Variants in USP15 observed in about 807,000 individuals in gnomAD.
The protein encoded by USP15 is ubiquitin specific peptidase 15, also known as ubiquitin carboxyl-terminal hydrolase 15.
Under a neutral mutation model 127.1 loss-of-function variants are expected in USP15, and 18 were observed. The ratio of observed to expected loss-of-function variants is 0.14; its 90% CI spans 0.10 to 0.21. USP15 has a LOEUF of 0.21. USP15 is among the 10% of genes least tolerant of loss of function. The probability of loss-of-function intolerance (pLI) is 1.00; values close to 1 mark genes in which losing one functional copy is unlikely to be tolerated. For missense variants in USP15, 805 were observed against 1,159.9 expected, an observed-to-expected ratio of 0.69 and a Z score of 4.44; for synonymous variants, 364 against 393.7, an observed-to-expected ratio of 0.92 and a Z score of 0.89.
At chr12:62,302,658 G>A (rs2064351923) in intron 2 of USP15, 132 bp from the exon 3 acceptor site, 2 of 916,118 alleles carry the variant, frequency 2.2e-6, no homozygotes, top group Non-Finnish European at 3.1e-6. Context: ...CACCCCTGAT[G>A]TAAGGGAGCT....
chr12:62,348,486 G>A (rs2065881855), intron 6 of USP15, among the ~76,000 whole-genome samples: 1 of 152,062 alleles, frequency 6.6e-6, no homozygotes, highest in African/African-American at 2.4e-5. Flanking sequence ...ACAGCCCCTT[G>A]CCTAGATGTT....
chr12:62,325,751 A>T, intron 5 of USP15, 121 bp from the exon 6 acceptor site: 1 of 755,990 alleles, frequency 1.3e-6, no homozygotes, highest in Non-Finnish European at 2.0e-6. Context: ...CACCTTGTCT[A>T]CTGTTTTCCT....
intron 5 of USP15, among the ~76,000 whole-genome samples, chr12:62,323,485 T>C (rs896967891): frequency 1.3e-5 from 2 of 152,214 alleles, no homozygotes; most frequent in Non-Finnish European, 2.9e-5. Flanking sequence ...AGATTTATTT[T>C]AGTCATTATA....
Position 62,391,369 on chromosome 12 carries a change from A to G in USP15, c.2173A>G (p.Asn725Asp). The G allele has an allele frequency of 6.2e-7, 1 of 1,613,064 alleles. No homozygotes were observed. The highest frequency in any genetic ancestry group is 8.5e-7 in the Non-Finnish European group (1 of 1,179,476). Residue 725 changes from asparagine to aspartate, a missense_variant, in exon 16 of 22, where the codon AAC becomes GAC. By Grantham distance (23) the Asn-to-Asp change is conservative. Around this residue, in one of 11 missense-constraint regions of USP15, gnomAD observed 225 missense variants for 239.5 expected, o/e 0.94. Coordinates refer to ENST00000280377, the MANE Select transcript of USP15 (RefSeq NM_001252078.2). ...CAACAACTTAGGCAATACTGATATCAACTACATCAAAGATGATACCAGGCA... is the reference window on the plus strand; with the variant it reads ...CAACAACTTAGGCAATACTGATATCGACTACATCAAAGATGATACCAGGCA... Reference protein sequence around the residue: ...QFNNLGNTDINYIKDDTRHIR... With the variant: ...QFNNLGNTDIDYIKDDTRHIR...
intron 6 of USP15, among the ~76,000 whole-genome samples, chr12:62,339,903 A>G (rs780645607): frequency 3.9e-5 from 6 of 152,204 alleles, no homozygotes; most frequent in South Asian, 2.1e-4. Context: ...GCCCCATAAA[A>G]TGAGTTAGAG....
intron 8 of USP15, among the ~76,000 whole-genome samples, chr12:62,364,017 A>C (rs917342554): frequency 1.3e-5 from 2 of 152,144 alleles, no homozygotes; most frequent in African/African-American, 4.8e-5. Context: ...TAGATCATAG[A>C]CAGTTGGATA....
At position 62,414,095 on chromosome 12, in the gene USP15, A is replaced by C. The variant is rs2068099422; in HGVS notation, c.*9720A>C. ...CACACACGTCTGTGCCCTCAAACAA[A>C]ACAGTAACATCAAAGATTACTGATC... On this transcript the variant is annotated 3_prime_UTR_variant, in exon 22 of 22. Coordinates refer to ENST00000280377, the MANE Select transcript of USP15 (RefSeq NM_001252078.2). 8 of 152,200 alleles carry C rather than the reference A, an allele frequency of 5.3e-5. No homozygotes were observed. The highest frequency in any genetic ancestry group is 5.2e-4 in the Admixed American group (8 of 15,276). 9.4% of individuals were successfully genotyped at this position (152,200 alleles called of 1,614,324 possible). A position where few individuals can be genotyped will look rare whatever the true frequency, so the allele number is the denominator to read the frequency against.
At chr12:62,336,795 G>C (rs1485125221) in intron 6 of USP15, 1 of 153,450 alleles carries the variant, frequency 6.5e-6, no homozygotes, top group African/African-American at 2.4e-5. Flanking sequence ...ACAATGTTTG[G>C]GTTGAAGTAC....
intron 1 of USP15, among the ~76,000 whole-genome samples, chr12:62,289,258 C>A (rs1280205507): frequency 6.9e-6 from 1 of 144,774 alleles, no homozygotes; most frequent in Non-Finnish European, 1.6e-5. Flanking sequence ...AGATTTTCAT[C>A]TTACTGATTT....
intron 19 of USP15, among the ~76,000 whole-genome samples, chr12:62,395,700 G>T (rs1355051421): frequency 2.7e-5 from 4 of 150,870 alleles, no homozygotes; most frequent in Non-Finnish European, 5.9e-5. Context: ...GTCTGTCTAT[G>T]AGCTCAATTT....
chr12:62,361,187 G>A (rs1381563968), intron 8 of USP15, among the ~76,000 whole-genome samples: 1 of 151,938 alleles, frequency 6.6e-6, no homozygotes, highest in Non-Finnish European at 1.5e-5. Context: ...GGGGAAAAAT[G>A]GTATCTCTAA....
chr12:62,276,011 TATCATTTTCTTTAGTAACTA>T lies in USP15; in HGVS notation c.89+15509_89+15528del, dbSNP rs2063481187. 2.0e-5 allele frequency among the ~76,000 whole-genome samples: 3 copies of T among 152,274 alleles called. No homozygotes were observed. In the South Asian group the frequency reaches 6.2e-4, roughly 32 times the overall value. ...GAAAACCATAGGTCTTCAGTCTCTA[TATCATTTTCTTTAGTAACTA>T]TGAACCCAGATAATATTAACATTAT... On this transcript the variant is annotated intron_variant, in intron 1 of 21. Transcript: ENST00000280377.
rs1466535194 is a variant in USP15, at chr12:62,390,881, C to T, written c.1862C>T (p.Ser621Phe). 1 of 1,610,528 alleles carries T rather than the reference C, an allele frequency of 6.2e-7. No individual in the cohort carries two copies. Among genetic ancestry groups the T allele is most frequent in the Admixed American group, 1.7e-5 (1 of 59,738 alleles). Residue 621 changes from serine to phenylalanine, a missense_variant, in exon 15 of 22, where the codon TCT (serine) becomes TTT (phenylalanine). Ser to Phe is a radical substitution (Grantham distance 155, BLOSUM62 -2). Around this residue, in one of 11 missense-constraint regions of USP15, gnomAD observed 225 missense variants for 239.5 expected, o/e 0.94. Coordinates refer to ENST00000280377, the MANE Select transcript of USP15 (RefSeq NM_001252078.2). ...TACTTAAGCCGATATGTCAAAATATCTACTGAAACTGAAGAAACTGAAGGA... is the reference window on the plus strand; with the variant it reads ...TACTTAAGCCGATATGTCAAAATATTTACTGAAACTGAAGAAACTGAAGGA... Reference protein sequence around the residue: ...LLRMCRYVKISTETEETEGSL... With the variant: ...LLRMCRYVKIFTETEETEGSL...
chr12:62,268,004 C>G (rs1270966221), intron 1 of USP15, among the ~76,000 whole-genome samples: 1 of 151,982 alleles, frequency 6.6e-6, no homozygotes, highest in African/African-American at 2.4e-5. Context: ...AGCTGAAGAA[C>G]TTTTTAATTC....
chr12:62,350,383 A>T (rs748641379), intron 7 of USP15, among the ~76,000 whole-genome samples: 1 of 152,190 alleles, frequency 6.6e-6, no homozygotes, highest in Non-Finnish European at 1.5e-5. Context: ...GTAGACTAAT[A>T]CGAATGGGCA....
intron 4 of USP15, among the ~76,000 whole-genome samples, chr12:62,315,717 A>G (rs970034368): frequency 6.6e-6 from 1 of 152,210 alleles, no homozygotes; most frequent in Non-Finnish European, 1.5e-5. Flanking sequence ...ATAGCGTGGC[A>G]TAAGATTTCC....
At position 62,408,750 on chromosome 12, in the gene USP15, C is replaced by G. The variant is rs2137702347; in HGVS notation, c.*4375C>G. 1 of 151,930 alleles carries G rather than the reference C, an allele frequency of 6.6e-6. No individual in the cohort carries two copies. Among genetic ancestry groups the G allele is most frequent in the Middle Eastern group, 3.5e-3 (1 of 288 alleles). The allele number at this position is 151,930 out of a possible 1,614,324, so 9.4% of individuals were successfully genotyped here. ...TTTTGTTATATATTCAGTTGCAGAT[C>G]TATATTATATATCATTTTATTATCA... is the stretch of plus-strand genomic sequence containing the variant. On this transcript the variant is annotated 3_prime_UTR_variant, in exon 22 of 22. Coordinates refer to ENST00000280377, the MANE Select transcript of USP15 (RefSeq NM_001252078.2).
At chr12:62,321,072 T>A (rs1473404274) in intron 4 of USP15, among the ~76,000 whole-genome samples, 1 of 152,082 alleles carries the variant, frequency 6.6e-6, no homozygotes, top group African/African-American at 2.4e-5. Context: ...ACTTAAAAAA[T>A]TTTGCACACT....
intron 7 of USP15, among the ~76,000 whole-genome samples, chr12:62,352,907 A>G: frequency 6.6e-6 from 1 of 151,980 alleles, no homozygotes; most frequent in East Asian, 1.9e-4. Context: ...TAATATTACA[A>G]TTCCCATTAC....
Sources: gnomAD v4.1 joint callset for allele counts (sites outside exome capture counted in the v4.1 genomes callset) on GRCh38, gnomAD v4.1.1 for gene constraint, gnomAD v4.1.1 regional missense constraint, MANE v1.5 for transcripts, NCBI Gene and HGNC (gene_info 2026-07-23, HGNC 2026-07-21) for gene names.